NMT1: variants seen among roughly 807,000 people sequenced by gnomAD.
The protein encoded by NMT1 is N-myristoyltransferase 1.
In NMT1, 12 loss-of-function variants were observed where a neutral mutation model predicts 63.4. The ratio of observed to expected loss-of-function variants is 0.19; its 90% CI spans 0.12 to 0.31. NMT1 has a LOEUF of 0.31. Among genes scored for constraint, NMT1 ranks in the 10% least tolerant of loss-of-function variants. The pLI, the probability that NMT1 is intolerant of heterozygous loss-of-function variation, is 1.00. For synonymous variants in NMT1, 228 were observed against 234.3 expected (o/e 0.97, Z 0.25); for missense variants, 432 against 634.6 (o/e 0.68, Z 3.43).
At chr17:45,061,723 C>T (rs2053862113) in intron 1 of NMT1, 1 of 368,996 alleles carries the variant, frequency 2.7e-6, no homozygotes, top group Non-Finnish European at 5.0e-6. Flanking sequence ...CAGGCCATTC[C>T]TGGGAAAAGA....
Position 45,103,427 on chromosome 17 carries a change from A to C in NMT1, c.1165-282A>C, listed in dbSNP as rs556292042. ...CCCAGCTTAACCCAGTGCTGACCAGACATAGGAGACACAGTCTGGGGGGAT... is the reference window on the plus strand; with the variant it reads ...CCCAGCTTAACCCAGTGCTGACCAGCCATAGGAGACACAGTCTGGGGGGAT... On this transcript the variant is annotated intron_variant, in intron 9 of 11. Coordinates refer to ENST00000258960, the MANE Select transcript of NMT1 (RefSeq NM_021079.5). This position sits in a 1 kb window ranked among gnomAD's most constrained non-coding sequence, Gnocchi z 4.8. Among the ~76,000 whole-genome samples the C allele has an allele frequency of 3.2e-4, 49 of 152,300 alleles. No homozygotes were observed. Among genetic ancestry groups the C allele is most frequent in the East Asian group, 1.2e-3 (6 of 5,186 alleles).
At chr17:45,084,401 CTTGGCTCA>C (rs2143486277) in intron 2 of NMT1, among the ~76,000 whole-genome samples, 1 of 147,470 alleles carries the variant, frequency 6.8e-6, no homozygotes, top group South Asian at 2.1e-4. Flanking sequence ...GTGGCGCAGT[CTTGGCTCA>C]CTGCCAGCTC....
At position 45,106,377 on chromosome 17, in the gene NMT1, C is replaced by A. The variant is rs1452671782; in HGVS notation, c.*738C>A. 1 of 152,692 alleles carries A rather than the reference C, an allele frequency of 6.5e-6. No homozygotes were observed. Among genetic ancestry groups the A allele is most frequent in the East Asian group, 1.9e-4 (1 of 5,206 alleles). The allele number at this position is 152,692 out of a possible 1,614,324, so 9.5% of individuals were successfully genotyped here. A position where few individuals can be genotyped will look rare whatever the true frequency, so the allele number is the denominator to read the frequency against. ...CAGAAGCAGACCTCATTGATTGAGT[C>A]CTTTCTTCCATCCCCTTGGCCTGCT... On this transcript the variant is annotated 3_prime_UTR_variant, in exon 12 of 12. Coordinates refer to ENST00000258960, the MANE Select transcript of NMT1 (RefSeq NM_021079.5).
At chr17:45,098,911 T>G in intron 7 of NMT1, 1 of 260,602 alleles carries the variant, frequency 3.8e-6, no homozygotes, top group East Asian at 7.8e-5. Flanking sequence ...CTCAAATTGT[T>G]TTGAATATTG....
At chr17:45,077,683 C>T (rs1398847368) in intron 1 of NMT1, among the ~76,000 whole-genome samples, 1 of 152,222 alleles carries the variant, frequency 6.6e-6, no homozygotes, top group Non-Finnish European at 1.5e-5. Flanking sequence ...AGCCACCGCA[C>T]CCAGCCTATG....
chr17:45,076,093 A>G (rs2053975459), intron 1 of NMT1, among the ~76,000 whole-genome samples: 1 of 152,024 alleles, frequency 6.6e-6, no homozygotes, highest in Admixed American at 6.6e-5. Context: ...ATGAATCAAG[A>G]AACAAACAAA....
intron 4 of NMT1, among the ~76,000 whole-genome samples, chr17:45,095,365 C>T (rs1466458264): frequency 1.3e-5 from 2 of 152,176 alleles, no homozygotes; most frequent in Admixed American, 6.5e-5. Flanking sequence ...ACCTCAGCCT[C>T]CCAAAGTGCT....
At chr17:45,073,594 T>C (rs1411188755) in intron 1 of NMT1, among the ~76,000 whole-genome samples, 2 of 152,224 alleles carry the variant, frequency 1.3e-5, no homozygotes, top group Non-Finnish European at 2.9e-5. Flanking sequence ...TGACTCACTT[T>C]CCTCATTACT....
chr17:45,102,964 C>T lies in NMT1; in HGVS notation c.1007C>T (p.Ala336Val), dbSNP rs1336327252. The T allele has an allele frequency of 6.2e-7, 1 of 1,611,740 alleles. No homozygotes were observed. Among genetic ancestry groups the T allele is most frequent in the Non-Finnish European group, 8.5e-7 (1 of 1,178,074 alleles). Reference sequence around the variant, plus strand: ...TCTTGCCTCCAGACTCCCAAGACAGCTGGGCTGCGACCAATGGAAACAAAG... The same window carrying T: ...TCTTGCCTCCAGACTCCCAAGACAGTTGGGCTGCGACCAATGGAAACAAAG... ...LYRLPETPKT[A>V]GLRPMETKDI... Residue 336 changes from alanine (A) to valine (V), a missense_variant, in exon 9 of 12, where the codon GCT becomes GTT. By Grantham distance (64) the Ala-to-Val change is moderately conservative. Transcript: ENST00000258960.
chr17:45,085,081 C>A (rs1203193235), intron 2 of NMT1, among the ~76,000 whole-genome samples: 1 of 151,546 alleles, frequency 6.6e-6, no homozygotes. Flanking sequence ...GACCCCGTCT[C>A]GACAAAAAAA....
intron 8 of NMT1, 121 bp downstream of exon 8, chr17:45,099,634 G>A (rs1358582338): frequency 5.9e-6 from 4 of 682,518 alleles, no homozygotes; most frequent in African/African-American, 1.8e-5. Context: ...AAGCGAACCA[G>A]CCCATAGTCT....
chr17:45,076,253 G>C (rs2053976524), intron 1 of NMT1, among the ~76,000 whole-genome samples: 2 of 152,060 alleles, frequency 1.3e-5, no homozygotes, highest in East Asian at 3.9e-4. Context: ...CAAGGCCTCT[G>C]AGCTTGGTTC....
chr17:45,078,615 G>A (rs964840293), intron 1 of NMT1, among the ~76,000 whole-genome samples: 1 of 151,988 alleles, frequency 6.6e-6, no homozygotes, highest in African/African-American at 2.4e-5. Flanking sequence ...ATGGAAAATT[G>A]TATTTTATAT....
chr17:45,086,061 A>G (rs1039669688), intron 2 of NMT1, among the ~76,000 whole-genome samples: 1 of 150,066 alleles, frequency 6.7e-6, no homozygotes, highest in Non-Finnish European at 1.5e-5. Flanking sequence ...AGCTCAGGCA[A>G]TCCACCTCCC....
intron 1 of NMT1, chr17:45,061,799 G>A (rs1411756098): frequency 5.4e-6 from 1 of 184,652 alleles, no homozygotes; most frequent in African/African-American, 2.3e-5. Flanking sequence ...AGTTCAAAGG[G>A]AACGTTACTT....
At chr17:45,102,349 A>T (rs1421026787) in intron 8 of NMT1, among the ~76,000 whole-genome samples, 1 of 152,156 alleles carries the variant, frequency 6.6e-6, no homozygotes, top group Non-Finnish European at 1.5e-5. Flanking sequence ...TTTTCTAGCA[A>T]AAGCAGCTGC....
At chr17:45,084,341 T>TTC (rs2054037301) in intron 2 of NMT1, among the ~76,000 whole-genome samples, 1 of 150,990 alleles carries the variant, frequency 6.6e-6, no homozygotes, top group Admixed American at 6.6e-5. Flanking sequence ...GTAAACTTTT[T>TTC]TTTTTTTTTG....
intron 1 of NMT1, 193 bp downstream of exon 1, chr17:45,061,653 C>G (rs531109126): frequency 1.8e-6 from 1 of 554,414 alleles, no homozygotes; most frequent in Admixed American, 3.5e-5. Flanking sequence ...TATTAAGGGC[C>G]GGAGACGTTC....
Position 45,105,944 on chromosome 17 carries a change from G to A in NMT1, c.*305G>A, listed in dbSNP as rs1598022108. On this transcript the variant is annotated 3_prime_UTR_variant, in exon 12 of 12. Transcript: ENST00000258960. The surrounding 1 kb of genome is among the most constrained non-coding windows in gnomAD (Gnocchi z 4.2). Reference sequence around the variant, plus strand: ...GTGATTGGCATATAATGGAGTTAACGGGTGAATAATAAAAGTATATATATA... The same window carrying A: ...GTGATTGGCATATAATGGAGTTAACAGGTGAATAATAAAAGTATATATATA... 1.3e-5 allele frequency: 3 copies of A among 228,274 alleles called. No individual in the cohort carries two copies. The highest frequency in any genetic ancestry group is 1.7e-5 in the Non-Finnish European group (2 of 118,862). 14.1% of individuals were successfully genotyped at this position (228,274 alleles called of 1,614,324 possible).
Sources: gnomAD v4.1 joint callset for allele counts (sites outside exome capture counted in the v4.1 genomes callset) on GRCh38, gnomAD v4.1.1 for gene constraint, Gnocchi (gnomAD v3.1) non-coding constraint, MANE v1.5 for transcripts, NCBI Gene and HGNC (gene_info 2026-07-23, HGNC 2026-07-21) for gene names.